The following FBXW10 variants were observed in gnomAD, a reference collection of about 807,000 sequenced individuals.
FBXW10 encodes F-box/WD repeat-containing protein 10.
A neutral mutation model predicts 113.1 loss-of-function variants in FBXW10; 68 were observed. That is an observed-to-expected ratio of 0.60 (90% CI 0.49 to 0.74). FBXW10 has a LOEUF of 0.74. Ranked by LOEUF, FBXW10 falls within the 30% of genes least tolerant of loss-of-function variation. FBXW10 has a pLI of 0.00. For synonymous variants in FBXW10, 289 were observed against 481.6 expected (o/e 0.60, Z 5.24); for missense variants, 753 against 1,284.5 (o/e 0.59, Z 6.32).
chr17:18,756,945 T>C (rs1227305026), intron 6 of FBXW10, among the ~76,000 whole-genome samples: 2 of 152,146 alleles, frequency 1.3e-5, no homozygotes, highest in Non-Finnish European at 2.9e-5. Context: ...TGAGTTTTTA[T>C]GCTTAGTGTG....
chr17:18,770,950 T>A (rs2035599943), intron 11 of FBXW10, among the ~76,000 whole-genome samples: 1 of 152,104 alleles, frequency 6.6e-6, no homozygotes, highest in Non-Finnish European at 1.5e-5. Flanking sequence ...AGAACTAACC[T>A]GTAAATTCTA....
At chr17:18,748,150 T>G in intron 2 of FBXW10, 45 bp downstream of exon 2, 1 of 1,611,250 alleles carries the variant, frequency 6.2e-7, no homozygotes, top group Non-Finnish European at 8.5e-7. Flanking sequence ...CTAGGTGCGG[T>G]GGCTCATGCC....
chr17:18,775,157 A>C lies in FBXW10; in HGVS notation c.2300A>C (p.Gln767Pro), dbSNP rs1362146289. 1.7e-5 allele frequency: 28 copies of C among 1,610,744 alleles called. No homozygotes were observed. The highest frequency in any genetic ancestry group is 2.1e-5 in the Non-Finnish European group (25 of 1,176,938). The change falls in exon 13 of 14, where the codon CAA becomes CCA. Residue 767 changes from glutamine (Q) to proline (P), a missense_variant. Gln to Pro is a moderately conservative substitution (Grantham distance 76, BLOSUM62 -1). Transcript: ENST00000395665. ...TTAGCAGTGTTAATAGAGGAACTTC[A>C]AAGTCAAGGAAAGTCAAAATCACCC... ...FSSAVLIEEL[Q>P]SQGKSKSPRR... is the part of the protein sequence containing the mutation.
chr17:18,755,575 A>G (rs2035245838), intron 5 of FBXW10, among the ~76,000 whole-genome samples: 1 of 151,730 alleles, frequency 6.6e-6, no homozygotes, highest in African/African-American at 2.4e-5. Flanking sequence ...ATGCAAATGC[A>G]TAGCATAGCA....
At position 18,750,258 on chromosome 17, in the gene FBXW10, C is replaced by T. The variant is rs2035137538; in HGVS notation, c.999+121C>T. 18 of 878,236 alleles carry T rather than the reference C, an allele frequency of 2.0e-5. No individual in the cohort carries two copies. In the South Asian group the frequency reaches 3.2e-4, roughly 16 times the overall value. 54.4% of individuals were successfully genotyped at this position (878,236 alleles called of 1,614,324 possible). ...TGGCCTCCTCCTCTACATTTGTGGC[C>T]TTTTAGGCTTCCTGGGTCCCTTCTT... On this transcript the variant is annotated intron_variant, in intron 4 of 13. Transcript: ENST00000395665.
intron 12 of FBXW10, 75 bp from the exon 13 acceptor site, chr17:18,775,057 CCATT>C (rs879093919): frequency 1.1e-5 from 10 of 883,360 alleles, no homozygotes; most frequent in South Asian, 4.6e-5. Context: ...ATTATCAGCC[CCATT>C]ATTATTGATT....
intron 5 of FBXW10, 23 bp downstream of exon 5, chr17:18,751,076 G>C (rs1459095066): frequency 1.2e-6 from 2 of 1,613,368 alleles, no homozygotes; most frequent in African/African-American, 2.7e-5. Context: ...AGCATCTGGG[G>C]CAAGTAGCTG....
At position 18,768,934 on chromosome 17, in the gene FBXW10, A is replaced by ATTTTTTT. The variant is rs59007149; in HGVS notation, c.1847+272_1847+278dup. On this transcript the variant is annotated intron_variant, in intron 10 of 13. Coordinates refer to ENST00000395665, the MANE Select transcript of FBXW10 (RefSeq NM_001267585.2). ...AACTGGGGGTTTTGAGAAGTTATTG[A>ATTTTTTT]TTTTTTTTTTTTTTTTTTTTGAGAC... is the stretch of plus-strand genomic sequence containing the variant. Among the ~76,000 whole-genome samples the ATTTTTTT allele has an allele frequency of 8.7e-5, 10 of 114,376 alleles. 1 individual carries two copies. Among genetic ancestry groups the ATTTTTTT allele is most frequent in the Non-Finnish European group, 1.4e-4 (8 of 58,504 alleles). 75.0% of individuals were successfully genotyped at this position (114,376 alleles called of 152,430 possible). A position where few individuals can be genotyped will look rare whatever the true frequency, so the allele number is the denominator to read the frequency against.
In FBXW10 at chr17:18,756,140, C is replaced by T; in HGVS notation, c.1218C>T (p.Arg406=). 1 of 1,613,874 alleles carries T rather than the reference C, an allele frequency of 6.2e-7. No homozygotes were observed. The highest frequency in any genetic ancestry group is 8.5e-7 in the Non-Finnish European group (1 of 1,179,834). The change falls in exon 6 of 14, where the codon CGC becomes CGT. Residue 406 remains arginine (R), a synonymous_variant. Transcript: ENST00000395665. ...RNVFCGTYNV[R]ILSDTWDQNR... ...TTTTCTGTGGGACCTACAATGTTCG[C>T]ATTCTCTCTGACACGTAGGTACTGG...
Position 18,750,009 on chromosome 17 carries a change from G to A in FBXW10, c.872-1G>A, listed in dbSNP as rs565557139. On this transcript the variant is annotated splice_acceptor_variant, in intron 3 of 13. Coordinates refer to ENST00000395665, the MANE Select transcript of FBXW10 (RefSeq NM_001267585.2). LOFTEE classifies it high-confidence loss of function. ...TTCTGGGTCCATCTTTTTTTTTCCA[G>A]GAATGCTGGATAGACACACCCTGAA... The A allele has an allele frequency of 6.2e-7, 1 of 1,613,882 alleles. No individual in the cohort carries two copies. Among genetic ancestry groups the A allele is most frequent in the Admixed American group, 1.7e-5 (1 of 59,992 alleles).
Position 18,756,156 on chromosome 17 carries a change from T to C in FBXW10, c.1232+2T>C, listed in dbSNP as rs2035260101. The C allele has an allele frequency of 2.5e-6, 4 of 1,611,976 alleles. No homozygotes were observed. The highest frequency in any genetic ancestry group is 1.3e-5 in the African/African-American group (1 of 74,910). On this transcript the variant is annotated splice_donor_variant, in intron 6 of 13. Transcript: ENST00000395665. LOFTEE classifies it high-confidence loss of function. The stretch of plus-strand genomic sequence containing the variant: ...CAATGTTCGCATTCTCTCTGACACG[T>C]AGGTACTGGGGTCAGAATCTGGGTC...
chr17:18,770,427 C>T (rs1416185569), intron 11 of FBXW10, among the ~76,000 whole-genome samples: 2 of 152,032 alleles, frequency 1.3e-5, no homozygotes, highest in Admixed American at 6.6e-5. Flanking sequence ...CTCAGCCTCC[C>T]GAGTAGCTGG....
intron 5 of FBXW10, among the ~76,000 whole-genome samples, chr17:18,753,026 T>C (rs1038164357): frequency 6.6e-6 from 1 of 152,208 alleles, no homozygotes; most frequent in Non-Finnish European, 1.5e-5. Flanking sequence ...CTGGACTGTA[T>C]TGACAGAATT....
At chr17:18,772,861 A>C (rs1432732192) in intron 12 of FBXW10, among the ~76,000 whole-genome samples, 178 bp downstream of exon 12, 2 of 152,162 alleles carry the variant, frequency 1.3e-5, no homozygotes, top group Non-Finnish European at 2.9e-5. Flanking sequence ...CTGATCCACT[A>C]AACAATTTAT....
intron 10 of FBXW10, 24 bp from the exon 11 acceptor site, chr17:18,769,903 G>A (rs1176581832): frequency 1.2e-6 from 2 of 1,612,290 alleles, no homozygotes; most frequent in Non-Finnish European, 8.5e-7. Context: ...GATGGGTACT[G>A]CCTGCTACTC....
At chr17:18,753,251 G>A (rs1398273018) in intron 5 of FBXW10, among the ~76,000 whole-genome samples, 1 of 152,052 alleles carries the variant, frequency 6.6e-6, no homozygotes, top group African/African-American at 2.4e-5. Flanking sequence ...TAAAACAGTG[G>A]GCCATCATGA....
chr17:18,749,520 C>T (rs1442414416), intron 2 of FBXW10, among the ~76,000 whole-genome samples: 1 of 151,274 alleles, frequency 6.6e-6, no homozygotes, highest in African/African-American at 2.4e-5. Flanking sequence ...ACACTCCAAC[C>T]TGGGCGACAG....
rs552070478 is a variant in FBXW10 at position 18,749,408 on chromosome 17, G to A, written c.671-314G>A. Among the ~76,000 whole-genome samples, 133 of 152,060 alleles carry A rather than the reference G, an allele frequency of 8.7e-4. 1 individual carries two copies. The highest frequency in any genetic ancestry group is 1.5e-3 in the Non-Finnish European group (100 of 67,968). Reference sequence around the variant, plus strand: ...AAAAAATACAAAAAATTAGCCGGGCGTGGTGGCGGGCTCCTGTAGTCCCAG... The same window carrying A: ...AAAAAATACAAAAAATTAGCCGGGCATGGTGGCGGGCTCCTGTAGTCCCAG... On this transcript the variant is annotated intron_variant, in intron 2 of 13. Coordinates refer to ENST00000395665, the MANE Select transcript of FBXW10 (RefSeq NM_001267585.2).
chr17:18,746,276 A>G (rs990437057), intron 1 of FBXW10, among the ~76,000 whole-genome samples: 1 of 152,178 alleles, frequency 6.6e-6, no homozygotes, highest in African/African-American at 2.4e-5. Flanking sequence ...GGGGACAAAT[A>G]TCCAAACTGT....
Sources: gnomAD v4.1 joint callset for allele counts (sites outside exome capture counted in the v4.1 genomes callset) on GRCh38, gnomAD v4.1.1 for gene constraint, MANE v1.5 for transcripts, NCBI Gene and HGNC (gene_info 2026-07-23, HGNC 2026-07-21) for gene names.